Variants in MEP1A observed in about 807,000 individuals in gnomAD.
MEP1A encodes the protein N-benzoyl-L-tyrosyl-P-amino-benzoic acid hydrolase subunit alpha.
In MEP1A, 68 loss-of-function variants were observed where a neutral mutation model predicts 84.5. The observed-to-expected ratio is 0.80, with a 90% confidence interval of 0.66 to 0.98. MEP1A has a LOEUF of 0.98. Among genes scored for constraint, MEP1A ranks in the 50% least tolerant of loss-of-function variants. MEP1A has a pLI of 0.00. For synonymous variants in MEP1A, 337 were observed against 336.8 expected, an observed-to-expected ratio of 1.00 and a Z score of -0.01; for missense variants, 887 against 919.9, an observed-to-expected ratio of 0.96 and a Z score of 0.46.
At chr6:46,812,198 G>A (rs1039084981) in intron 6 of MEP1A, among the ~76,000 whole-genome samples, 1 of 151,920 alleles carries the variant, frequency 6.6e-6, no homozygotes, top group Non-Finnish European at 1.5e-5. Flanking sequence ...GTTTAATCTA[G>A]GAGGGTTGTA....
intron 6 of MEP1A, among the ~76,000 whole-genome samples, chr6:46,817,643 A>T (rs987857561): frequency 2.6e-5 from 4 of 152,216 alleles, no homozygotes; most frequent in Admixed American, 2.6e-4. Context: ...TTTCACAAAG[A>T]AACTCCTTAA....
chr6:46,797,832 T>TCTC lies in MEP1A; in HGVS notation c.146-774_146-773insCTC, dbSNP rs1767087934. Among the ~76,000 whole-genome samples the TCTC allele has an allele frequency of 2.3e-5, 3 of 132,092 alleles. No homozygotes were observed. The South Asian group carries it at 7.7e-4, about 34-fold the overall frequency. 86.7% of individuals were successfully genotyped at this position (132,092 alleles called of 152,430 possible). A position where few individuals can be genotyped will look rare whatever the true frequency, so the allele number is the denominator to read the frequency against. On this transcript the variant is annotated intron_variant, in intron 3 of 13. Coordinates refer to ENST00000230588, the MANE Select transcript of MEP1A (RefSeq NM_005588.3). The stretch of plus-strand genomic sequence containing the variant: ...TTTCTTTCTTTCTTTCTTTCTTTCT[T>TCTC]TCTTTCTCTCTCTCTTTCTTTCTTT...
downstream of MEP1A, among the ~76,000 whole-genome samples, chr6:46,842,790 C>T (rs746191551): frequency 1.3e-5 from 2 of 152,106 alleles, no homozygotes; most frequent in Non-Finnish European, 2.9e-5. Context: ...GGGGACATAA[C>T]GGACCTACTG....
At chr6:46,835,690 C>A in intron 13 of MEP1A, 141 bp downstream of exon 13, 2 of 904,300 alleles carry the variant, frequency 2.2e-6, no homozygotes, top group Non-Finnish European at 3.4e-6. Flanking sequence ...TTTGACTCTA[C>A]AAAGGTGTGC....
At chr6:46,820,380 T>G (rs1767740587) in intron 7 of MEP1A, among the ~76,000 whole-genome samples, 1 of 152,158 alleles carries the variant, frequency 6.6e-6, no homozygotes, top group Non-Finnish European at 1.5e-5. Flanking sequence ...ACTATTTCAT[T>G]GTTCTTTAGG....
intron 11 of MEP1A, 47 bp downstream of exon 11, chr6:46,833,585 GC>G: frequency 7.3e-7 from 1 of 1,367,090 alleles, no homozygotes; most frequent in Non-Finnish European, 1.0e-6. Flanking sequence ...AACCAGAGAG[GC>G]CCACAGATGT....
chr6:46,827,942 G>C (rs1767984157), intron 9 of MEP1A, among the ~76,000 whole-genome samples: 1 of 152,220 alleles, frequency 6.6e-6, no homozygotes, highest in Non-Finnish European at 1.5e-5. Context: ...AGGTTAACTT[G>C]AGCAGCTATT....
intron 13 of MEP1A, among the ~76,000 whole-genome samples, chr6:46,837,559 C>T (rs1285669651): frequency 6.6e-6 from 1 of 152,210 alleles, no homozygotes; most frequent in African/African-American, 2.4e-5. Flanking sequence ...ATATCTTTGC[C>T]TGACAGGCCC....
chr6:46,840,997 C>T (rs1768321950), downstream of MEP1A, among the ~76,000 whole-genome samples: 2 of 152,286 alleles, frequency 1.3e-5, no homozygotes, highest in African/African-American at 2.4e-5. Context: ...GGCTTTGTTG[C>T]TGCTGCTGCT....
chr6:46,807,792 AAAG>A (rs1562107029), intron 5 of MEP1A, among the ~76,000 whole-genome samples: 8 of 136,634 alleles, frequency 5.9e-5, no homozygotes, highest in African/African-American at 2.3e-4. Context: ...AGAAAGAAAG[AAAG>A]AAAGAAAGAA....
At chr6:46,798,712 G>C (rs1008968658) in intron 4 of MEP1A, 66 bp downstream of exon 4, 10 of 1,409,644 alleles carry the variant, frequency 7.1e-6, no homozygotes, top group Non-Finnish European at 9.0e-6. Context: ...GTGAGTCTCT[G>C]CTCTGCGGCC....
At chr6:46,836,793 ATTT>A (rs71536390) in intron 13 of MEP1A, among the ~76,000 whole-genome samples, 5 of 142,102 alleles carry the variant, frequency 3.5e-5, no homozygotes, top group Admixed American at 7.0e-5. Context: ...CTGGTCAGGG[ATTT>A]TTTTTTTTTT....
At position 46,821,057 on chromosome 6, in the gene MEP1A, T is replaced by C. The variant is rs186184502; in HGVS notation, c.556+1353T>C. Among the ~76,000 whole-genome samples the C allele has an allele frequency of 1.6e-3, 241 of 152,302 alleles. 3 individuals are homozygous for C. The highest frequency in any genetic ancestry group is 5.4e-3 in the African/African-American group (225 of 41,564). ...GGGCTTGGAAGAACTGACCAAGCTTTATAATTAAATATGAATCCTCAAAAG... is the reference window on the plus strand; with the variant it reads ...GGGCTTGGAAGAACTGACCAAGCTTCATAATTAAATATGAATCCTCAAAAG... On this transcript the variant is annotated intron_variant, in intron 7 of 13. Coordinates refer to ENST00000230588, the MANE Select transcript of MEP1A (RefSeq NM_005588.3).
intron 10 of MEP1A, among the ~76,000 whole-genome samples, chr6:46,830,009 G>A (rs2150754938): frequency 6.6e-6 from 1 of 152,106 alleles, no homozygotes; most frequent in Non-Finnish European, 1.5e-5. Context: ...ACTTTGGGAG[G>A]CCGAGGCGGC....
At position 46,803,458 on chromosome 6, in the gene MEP1A, A is replaced by G. The variant is rs146632656; in HGVS notation, c.262+4277A>G. Reference sequence around the variant, plus strand: ...TCCTATTTCACTTTTGATATTGGCAATTTGTGTTTTCCCTCTTTTTTTCTT... The same window carrying G: ...TCCTATTTCACTTTTGATATTGGCAGTTTGTGTTTTCCCTCTTTTTTTCTT... On this transcript the variant is annotated intron_variant, in intron 5 of 13. Coordinates refer to ENST00000230588, the MANE Select transcript of MEP1A (RefSeq NM_005588.3). Among the ~76,000 whole-genome samples, 1,473 of 151,576 alleles carry G rather than the reference A, an allele frequency of 9.7e-3. 25 individuals carry two copies. The highest frequency in any genetic ancestry group is 0.035 in the African/African-American group (1,432 of 41,472).
intron 6 of MEP1A, among the ~76,000 whole-genome samples, chr6:46,810,364 TTCG>T (rs1454323039): frequency 6.6e-6 from 1 of 152,176 alleles, no homozygotes; most frequent in East Asian, 1.9e-4. Flanking sequence ...ATTCCAGATA[TTCG>T]TCCTTTGTTG....
At chr6:46,822,052 C>T (rs370210531) in intron 7 of MEP1A, among the ~76,000 whole-genome samples, 1 of 152,282 alleles carries the variant, frequency 6.6e-6, no homozygotes, top group African/African-American at 2.4e-5. Context: ...TTTCTTGAAT[C>T]AGAATTGTGT....
intron 6 of MEP1A, 46 bp downstream of exon 6, chr6:46,809,583 C>T (rs760681064): frequency 9.3e-6 from 12 of 1,288,200 alleles, no homozygotes; most frequent in Middle Eastern, 1.9e-4. Flanking sequence ...TACTTTGGTT[C>T]GTAAGAAGTA....
intron 6 of MEP1A, among the ~76,000 whole-genome samples, chr6:46,810,156 A>G (rs1302620138): frequency 2.0e-5 from 3 of 151,836 alleles, no homozygotes; most frequent in Admixed American, 2.0e-4. Context: ...AATTATGGCC[A>G]TTTCTGCAAG....
Sources: gnomAD v4.1 joint callset for allele counts (sites outside exome capture counted in the v4.1 genomes callset) on GRCh38, gnomAD v4.1.1 for gene constraint, MANE v1.5 for transcripts, NCBI Gene and HGNC (gene_info 2026-07-23, HGNC 2026-07-21) for gene names.